VPS26A: variants seen among roughly 807,000 people sequenced by gnomAD.
The protein encoded by VPS26A is vacuolar protein sorting-associated protein 26A.
Under a neutral mutation model 42.4 loss-of-function variants are expected in VPS26A, and 22 were observed. That is an observed-to-expected ratio of 0.52 (90% CI 0.37 to 0.74). The LOEUF (loss-of-function observed/expected upper bound fraction) is 0.74, where lower values mean the gene tolerates loss of function less well. Among genes scored for constraint, VPS26A ranks in the 30% least tolerant of loss-of-function variants. The pLI is 0.00. For synonymous variants in VPS26A, 110 were observed against 123.5 expected (o/e 0.89, Z 0.73); for missense variants, 276 against 379.2 (o/e 0.73, Z 2.26).
chr10:69,161,521 A>T (rs1386598863), intron 5 of VPS26A: 1 of 188,588 alleles, frequency 5.3e-6, no homozygotes, highest in African/African-American at 2.4e-5. Flanking sequence ...TTGGTGAGCC[A>T]AAGTTTTATT....
intron 4 of VPS26A, 32 bp from the exon 5 acceptor site, chr10:69,158,015 T>A: frequency 6.4e-7 from 1 of 1,551,174 alleles, no homozygotes; most frequent in South Asian, 1.2e-5. Flanking sequence ...TCACAGGTGA[T>A]TTAACTCATC....
intron 6 of VPS26A, among the ~76,000 whole-genome samples, chr10:69,163,253 T>G (rs1841602872): frequency 6.6e-6 from 1 of 152,234 alleles, no homozygotes; most frequent in South Asian, 2.1e-4. Context: ...AGAAGTGGAA[T>G]TCATGGGTTA....
Position 69,146,184 on chromosome 10 carries a change from TC to T in VPS26A, c.154-9626del, listed in dbSNP as rs1296332494. On this transcript the variant is annotated intron_variant, in intron 2 of 8. Transcript: ENST00000263559. ...ATACGGGCTCACTGCAACCTCTGCC[TC>T]CTGGGTTCAAGCAATTCTCTTGCCT... Among the ~76,000 whole-genome samples the T allele has an allele frequency of 3.9e-5, 6 of 152,170 alleles. No individual in the cohort carries two copies. The East Asian group carries it at 1.2e-3, about 29-fold the overall frequency.
chr10:69,139,496 G>GT (rs1218417218), intron 2 of VPS26A, among the ~76,000 whole-genome samples: 2 of 152,016 alleles, frequency 1.3e-5, no homozygotes, highest in African/African-American at 4.8e-5. Flanking sequence ...TAGAGATGGG[G>GT]TTTCACCATA....
chr10:69,160,515 G>C (rs1286531273), intron 5 of VPS26A, among the ~76,000 whole-genome samples: 1 of 149,322 alleles, frequency 6.7e-6, no homozygotes, highest in Non-Finnish European at 1.5e-5. Flanking sequence ...GCAGTGGCAT[G>C]ATCTCGGCTC....
intron 1 of VPS26A, among the ~76,000 whole-genome samples, chr10:69,124,918 C>T (rs1460156787): frequency 6.6e-6 from 1 of 152,194 alleles, no homozygotes; most frequent in African/African-American, 2.4e-5. Flanking sequence ...CATTTCCGTC[C>T]GCAAGCTATT....
At chr10:69,153,315 G>C (rs1841362239) in intron 2 of VPS26A, among the ~76,000 whole-genome samples, 1 of 151,714 alleles carries the variant, frequency 6.6e-6, no homozygotes, top group Non-Finnish European at 1.5e-5. Context: ...CTCCCAAAGT[G>C]CTAAGATTAC....
intron 1 of VPS26A, among the ~76,000 whole-genome samples, chr10:69,129,425 T>C (rs932399094): frequency 1.3e-5 from 2 of 152,220 alleles, no homozygotes; most frequent in African/African-American, 4.8e-5. Flanking sequence ...ACTGATGATT[T>C]TCATTCTCTT....
At chr10:69,138,204 TG>T (rs1840963502) in intron 2 of VPS26A, among the ~76,000 whole-genome samples, 1 of 152,364 alleles carries the variant, frequency 6.6e-6, no homozygotes, top group Middle Eastern at 3.4e-3. Context: ...AGTATATCAT[TG>T]TTTTTTATTG....
chr10:69,160,746 A>G (rs1035553878), intron 5 of VPS26A, among the ~76,000 whole-genome samples: 2 of 152,176 alleles, frequency 1.3e-5, no homozygotes, highest in African/African-American at 4.8e-5. Flanking sequence ...CCGGCCTGAC[A>G]TAATTTATAT....
Position 69,171,160 on chromosome 10 carries a change from T to A in VPS26A, c.875T>A (p.Ile292Lys). 1 of 1,609,254 alleles carries A rather than the reference T, an allele frequency of 6.2e-7. No homozygotes were observed. Reference protein sequence around the residue: ...EDRRYFKQQEIILWRKAPEKL... With the variant: ...EDRRYFKQQEKILWRKAPEKL... ...TATCTTGCATTTGTTTACTAGGAGATAATTTTATGGAGAAAAGCTCCTGAA... is the reference window on the plus strand; with the variant it reads ...TATCTTGCATTTGTTTACTAGGAGAAAATTTTATGGAGAAAAGCTCCTGAA... The change falls in exon 9 of 9, where the codon ATA becomes AAA. Residue 292 changes from isoleucine (I) to lysine (K), a missense_variant. By Grantham distance (102) the Ile-to-Lys change is moderately radical (BLOSUM62 -3). Coordinates refer to ENST00000263559, the MANE Select transcript of VPS26A (RefSeq NM_004896.5).
chr10:69,148,082 A>G (rs1398969502), intron 2 of VPS26A, among the ~76,000 whole-genome samples: 1 of 152,138 alleles, frequency 6.6e-6, no homozygotes, highest in Non-Finnish European at 1.5e-5. Flanking sequence ...TTTTTTATAA[A>G]TATGAAATAG....
At chr10:69,125,971 TAGG>T (rs1226242204) in intron 1 of VPS26A, among the ~76,000 whole-genome samples, 1 of 152,220 alleles carries the variant, frequency 6.6e-6, no homozygotes, top group Admixed American at 6.5e-5. Context: ...AAGTCAGTGA[TAGG>T]AGGTTTAGGC....
intron 2 of VPS26A, among the ~76,000 whole-genome samples, chr10:69,149,511 T>C (rs559049585): frequency 2.1e-4 from 32 of 152,226 alleles, no homozygotes; most frequent in African/African-American, 7.0e-4. Flanking sequence ...TGGAACACAT[T>C]TAAAATTTTT....
At chr10:69,155,557 C>G (rs529792226) in intron 2 of VPS26A, among the ~76,000 whole-genome samples, 1 of 152,244 alleles carries the variant, frequency 6.6e-6, no homozygotes, top group African/African-American at 2.4e-5. Context: ...TTATAGTTCT[C>G]CACCTATTAA....
chr10:69,147,824 C>CA (rs1259943978), intron 2 of VPS26A, among the ~76,000 whole-genome samples: 6 of 152,154 alleles, frequency 3.9e-5, no homozygotes, highest in African/African-American at 1.4e-4. Flanking sequence ...GTGATCCTCC[C>CA]ACCTCACCTT....
chr10:69,170,278 G>A (rs1424760956), intron 8 of VPS26A: 2 of 152,110 alleles, frequency 1.3e-5, no homozygotes, highest in African/African-American at 2.4e-5. Context: ...TCCTAATGTT[G>A]TATAATTAAA....
chr10:69,144,936 T>C (rs895859393), intron 2 of VPS26A, among the ~76,000 whole-genome samples: 4 of 152,156 alleles, frequency 2.6e-5, no homozygotes, highest in African/African-American at 7.2e-5. Context: ...TTTTTGTTTA[T>C]GCTTTTCATA....
chr10:69,165,782 A>G (rs1841672591), intron 6 of VPS26A, among the ~76,000 whole-genome samples: 1 of 152,092 alleles, frequency 6.6e-6, no homozygotes, highest in Admixed American at 6.6e-5. Context: ...CCATCTCTAC[A>G]AAAATTGAAA....
Sources: gnomAD v4.1 joint callset for allele counts (sites outside exome capture counted in the v4.1 genomes callset) on GRCh38, gnomAD v4.1.1 for gene constraint, MANE v1.5 for transcripts, NCBI Gene and HGNC (gene_info 2026-07-23, HGNC 2026-07-21) for gene names.